Variants in PJA2 observed in about 807,000 individuals in gnomAD.
The protein encoded by PJA2 is E3 ubiquitin-protein ligase Praja-2.
A neutral mutation model predicts 69.3 loss-of-function variants in PJA2; 25 were observed. That is an observed-to-expected ratio of 0.36 (90% CI 0.26 to 0.50). PJA2 has a LOEUF of 0.50. PJA2 is among the 20% of genes least tolerant of loss of function. PJA2 has a pLI of 0.96. For synonymous variants in PJA2, 308 were observed against 277.8 expected, an observed-to-expected ratio of 1.11 and a Z score of -1.08; for missense variants, 809 against 830.2, an observed-to-expected ratio of 0.97 and a Z score of 0.31.
chr5:109,378,996 T>C lies in PJA2; in HGVS notation c.491A>G (p.His164Arg), dbSNP rs1746970412. The C allele has an allele frequency of 6.2e-6, 10 of 1,614,092 alleles. No individual in the cohort carries two copies. Among genetic ancestry groups the C allele is most frequent in the African/African-American group, 1.3e-5 (1 of 74,948 alleles). Residue 164 changes from histidine (H) to arginine (R), a missense_variant, in exon 4 of 10, where the codon CAT (histidine) becomes CGT (arginine). Physicochemically the swap from His to Arg is conservative, Grantham distance 29. Transcript: ENST00000361189. ...SSVQNGIALV[H>R]TDSYDPDGKH... is the part of the protein sequence containing the mutation. Reference sequence around the variant, plus strand: ...GCCATCTGGATCATAAGAGTCTGTATGAACCAATGCAATTCCATTTTGGAC... The same window carrying C: ...GCCATCTGGATCATAAGAGTCTGTACGAACCAATGCAATTCCATTTTGGAC...
At chr5:109,378,134 C>G in intron 4 of PJA2, 70 bp downstream of exon 4, 3 of 1,130,360 alleles carry the variant, frequency 2.7e-6, no homozygotes, top group Non-Finnish European at 3.8e-6. Context: ...GCCCAGCCAT[C>G]AAACATGGTT....
chr5:109,390,068 T>C (rs1401165885), intron 1 of PJA2, among the ~76,000 whole-genome samples: 1 of 152,044 alleles, frequency 6.6e-6, no homozygotes, highest in Non-Finnish European at 1.5e-5. Flanking sequence ...CCTTCAGTTG[T>C]TGAATATAAT....
intron 5 of PJA2, among the ~76,000 whole-genome samples, chr5:109,364,555 G>A (rs1238322654): frequency 2.7e-5 from 4 of 147,770 alleles, no homozygotes; most frequent in Non-Finnish European, 4.5e-5. Context: ...CCCGGGAGGC[G>A]GAGCTTGCAG....
intron 7 of PJA2, among the ~76,000 whole-genome samples, chr5:109,354,727 ATATAT>A (rs1762382681): frequency 6.8e-6 from 1 of 146,820 alleles, no homozygotes; most frequent in South Asian, 2.1e-4. Context: ...AATATATATT[ATATAT>A]TAGAGAGAGG....
intron 1 of PJA2, among the ~76,000 whole-genome samples, chr5:109,395,217 A>C (rs1231965743): frequency 6.6e-6 from 1 of 152,192 alleles, no homozygotes; most frequent in Non-Finnish European, 1.5e-5. Context: ...AAGAATTAAC[A>C]AAATAAAAAT....
At chr5:109,373,905 C>G (rs1327036596) in intron 4 of PJA2, among the ~76,000 whole-genome samples, 1 of 152,114 alleles carries the variant, frequency 6.6e-6, no homozygotes, top group Non-Finnish European at 1.5e-5. Flanking sequence ...ATAAAACCAA[C>G]CAAAAGTAAT....
chr5:109,350,827 T>A lies in PJA2; in HGVS notation c.1764+5088A>T, dbSNP rs867391554. Among the ~76,000 whole-genome samples, 3 of 152,122 alleles carry A rather than the reference T, an allele frequency of 2.0e-5. No individual in the cohort carries two copies. In the South Asian group the frequency reaches 6.2e-4, roughly 31 times the overall value. On this transcript the variant is annotated intron_variant, in intron 7 of 9. Transcript: ENST00000361189. Reference sequence around the variant, plus strand: ...GGGTGTATACAGGTGCTATTGTGAGTATGTAAAGACTTTACAAGGGGCCCG... The same window carrying A: ...GGGTGTATACAGGTGCTATTGTGAGAATGTAAAGACTTTACAAGGGGCCCG...
intron 7 of PJA2, 113 bp from the exon 8 acceptor site, chr5:109,344,932 C>A (rs1057254749): frequency 4.6e-6 from 3 of 657,446 alleles, no homozygotes; most frequent in Non-Finnish European, 5.1e-6. Flanking sequence ...TTGTTAGTTT[C>A]TTTTGCTTTA....
At chr5:109,380,149 AGTGGCATGATCTCGG>A (rs1747008421) in intron 3 of PJA2, among the ~76,000 whole-genome samples, 1 of 127,788 alleles carries the variant, frequency 7.8e-6, no homozygotes, top group Admixed American at 1.0e-4. Context: ...GCTGGAGTGC[AGTGGCATGATCTCGG>A]CTCACTGCAA....
chr5:109,379,250 G>A lies in PJA2; in HGVS notation c.237C>T (p.Ser79=), dbSNP rs1265536738. The change falls in exon 4 of 10, where the codon TCC becomes TCT. Residue 79 remains serine (S), a synonymous_variant. Coordinates refer to ENST00000361189, the MANE Select transcript of PJA2 (RefSeq NM_014819.5). The stretch of plus-strand genomic sequence containing the variant: ...AAGAATCAACTTGATCCAAAGGACT[G>A]GAACCTTCATAAAAAACAAAAGAAA... ...DDVPKENSSG[S]SPLDQVDSSL... is the part of the protein sequence containing the mutation. 6.3e-7 allele frequency: 1 copy of A among 1,579,296 alleles called. No homozygotes were observed. Among genetic ancestry groups the A allele is most frequent in the Non-Finnish European group, 8.6e-7 (1 of 1,166,588 alleles).
intron 1 of PJA2, among the ~76,000 whole-genome samples, chr5:109,406,634 T>C (rs1053605869): frequency 3.9e-5 from 6 of 152,266 alleles, no homozygotes; most frequent in African/African-American, 1.4e-4. Flanking sequence ...TAAACATCCA[T>C]GTATCATACA....
chr5:109,378,373 C>A lies in PJA2; in HGVS notation c.1114G>T (p.Asp372Tyr). The change falls in exon 4 of 10, where the codon GAC becomes TAC. Residue 372 changes from aspartate (D) to tyrosine (Y), a missense_variant. Around this residue, in one of 4 missense-constraint regions of PJA2, gnomAD observed 700 missense variants for 639.5 expected, o/e 1.09. Coordinates refer to ENST00000361189, the MANE Select transcript of PJA2 (RefSeq NM_014819.5). ...IKCEEYDGEH[D>Y]CMFLDPPYSR... ...TATGGTGGATCCAAGAACATACAGT[C>A]ATGCTCTCCATCATATTCTTCACAT... The A allele has an allele frequency of 6.2e-7, 1 of 1,614,162 alleles. No individual in the cohort carries two copies. Among genetic ancestry groups the A allele is most frequent in the Non-Finnish European group, 8.5e-7 (1 of 1,180,006 alleles).
intron 1 of PJA2, among the ~76,000 whole-genome samples, chr5:109,395,875 C>G (rs909233460): frequency 6.6e-6 from 1 of 151,980 alleles, no homozygotes; most frequent in Admixed American, 6.6e-5. Flanking sequence ...AGGCACATGC[C>G]TGTAATCCCA....
intron 7 of PJA2, among the ~76,000 whole-genome samples, chr5:109,351,383 A>G (rs1418935329): frequency 6.6e-6 from 1 of 152,126 alleles, no homozygotes; most frequent in African/African-American, 2.4e-5. Context: ...CATTAGATTC[A>G]CTTCCTACAA....
intron 1 of PJA2, among the ~76,000 whole-genome samples, chr5:109,397,651 T>C (rs1051653636): frequency 1.3e-5 from 2 of 151,448 alleles, no homozygotes; most frequent in South Asian, 2.1e-4. Flanking sequence ...CCCAAGCAGC[T>C]GGGATTACAG....
rs1397018749 is a variant in PJA2 at position 109,364,610 on chromosome 5, G to A, written c.1470-1588C>T. ...TGCACTCCAGCCTGGGCGACAGAGC[G>A]AGACTCTGTCTCAAAAAAAAAAAAA... On this transcript the variant is annotated intron_variant, in intron 5 of 9. Coordinates refer to ENST00000361189, the MANE Select transcript of PJA2 (RefSeq NM_014819.5). 2.4e-4 allele frequency among the ~76,000 whole-genome samples: 33 copies of A among 138,422 alleles called. No homozygotes were observed. The South Asian group carries it at 6.8e-3, about 28-fold the overall frequency. The allele number at this position is 138,422 out of a possible 152,430, so 90.8% of individuals were successfully genotyped here.
chr5:109,382,552 A>G (rs918418335), intron 2 of PJA2, among the ~76,000 whole-genome samples: 2 of 152,232 alleles, frequency 1.3e-5, no homozygotes, highest in African/African-American at 4.8e-5. Context: ...GGTATAGTCA[A>G]TAAATGCAAC....
chr5:109,384,161 G>C (rs904859270), intron 1 of PJA2, among the ~76,000 whole-genome samples: 2 of 152,168 alleles, frequency 1.3e-5, no homozygotes, highest in Admixed American at 6.5e-5. Flanking sequence ...CTATTTGGGA[G>C]TCTACTACAC....
At chr5:109,374,320 T>A (rs527410798) in intron 4 of PJA2, among the ~76,000 whole-genome samples, 2 of 152,170 alleles carry the variant, frequency 1.3e-5, no homozygotes, top group Non-Finnish European at 2.9e-5. Flanking sequence ...GATAAAAAGG[T>A]TTGCTAAAAT....
Sources: allele counts gnomAD v4.1 joint callset (sites outside exome capture counted in the v4.1 genomes callset), GRCh38; gene constraint gnomAD v4.1.1; regional missense constraint gnomAD v4.1.1; transcripts MANE v1.5; gene names NCBI Gene and HGNC (gene_info 2026-07-23, HGNC 2026-07-21).